KANSL1: variants seen among roughly 807,000 people sequenced by gnomAD.
KANSL1 encodes KAT8 regulatory NSL complex subunit 1.
In KANSL1, 22 loss-of-function variants were observed where a neutral mutation model predicts 103.6. The ratio of observed to expected loss-of-function variants is 0.21; its 90% CI spans 0.15 to 0.30. The LOEUF (loss-of-function observed/expected upper bound fraction) is 0.30, where lower values mean the gene tolerates loss of function less well. Among genes scored for constraint, KANSL1 ranks in the 10% least tolerant of loss-of-function variants. The pLI is 1.00. For synonymous variants in KANSL1, 600 were observed against 527.6 expected, an observed-to-expected ratio of 1.14 and a Z score of -1.88; for missense variants, 1,337 against 1,399.8, an observed-to-expected ratio of 0.96 and a Z score of 0.72.
At chr17:46,150,724 T>C (rs2045042000) in intron 2 of KANSL1, among the ~76,000 whole-genome samples, 1 of 152,080 alleles carries the variant, frequency 6.6e-6, no homozygotes, top group South Asian at 2.1e-4. Flanking sequence ...CATGGCAAAG[T>C]GGGAAAAGGA....
At chr17:46,210,839 T>C (rs2148021447) in intron 1 of KANSL1, among the ~76,000 whole-genome samples, 1 of 152,332 alleles carries the variant, frequency 6.6e-6, no homozygotes, top group Middle Eastern at 3.4e-3. Flanking sequence ...AGAGAATGCT[T>C]TGGCAAGTAT....
chr17:46,193,457 C>G (rs1381219895), upstream of KANSL1: 1 of 151,932 alleles, frequency 6.6e-6, no homozygotes, highest in South Asian at 2.0e-4. Flanking sequence ...GGGCGAGCGC[C>G]GGGGACACGG....
chr17:46,076,735 A>G (rs2078788762), intron 4 of KANSL1, among the ~76,000 whole-genome samples: 1 of 152,122 alleles, frequency 6.6e-6, no homozygotes, highest in Non-Finnish European at 1.5e-5. Flanking sequence ...TTATGGTTTC[A>G]GCAATAAAGT....
At chr17:46,207,753 G>C (rs2048020271) in intron 1 of KANSL1, among the ~76,000 whole-genome samples, 1 of 152,148 alleles carries the variant, frequency 6.6e-6, no homozygotes, top group Non-Finnish European at 1.5e-5. Context: ...CAAGGTGCGG[G>C]GACTGCTTGA....
upstream of KANSL1, chr17:46,196,198 A>G: frequency 2.5e-6 from 1 of 406,806 alleles, no homozygotes; most frequent in Non-Finnish European, 4.9e-6. Context: ...TGATCATGCC[A>G]TTGTAGTCCA....
rs140846747 is a variant in KANSL1 at position 46,084,109 on chromosome 17, C to T, written c.1432-1567G>A. ...AATGAATTGGAGGGTCCCGGAATGG[C>T]GGCTCACACCTGTAATCCCAGCACT... On this transcript the variant is annotated intron_variant, in intron 3 of 14. Coordinates refer to ENST00000432791, the MANE Select transcript of KANSL1 (RefSeq NM_015443.4). 4.6e-3 allele frequency among the ~76,000 whole-genome samples: 651 copies of T among 141,628 alleles called. 3 individuals carry two copies. Among genetic ancestry groups the T allele is most frequent in the Middle Eastern group, 0.044 (12 of 270 alleles). 92.9% of individuals were successfully genotyped at this position (141,628 alleles called of 152,430 possible). A position where few individuals can be genotyped will look rare whatever the true frequency, so the allele number is the denominator to read the frequency against.
chr17:46,064,053 T>TAA (rs58111244), intron 6 of KANSL1, among the ~76,000 whole-genome samples: 4,552 of 105,456 alleles, frequency 0.043, 94 homozygotes, highest in Non-Finnish European at 0.056. Flanking sequence ...CGACTATTAG[T>TAA]AAAAAAAAAA....
intron 6 of KANSL1, among the ~76,000 whole-genome samples, chr17:46,061,955 C>T (rs1348216299): frequency 1.3e-5 from 2 of 151,688 alleles, no homozygotes; most frequent in East Asian, 1.9e-4. Context: ...AGCCAGGCGT[C>T]GTCGTGGGTG....
chr17:46,164,258 G>A lies in KANSL1; in HGVS notation c.1289+6597C>T, dbSNP rs1474304446. 2.6e-5 allele frequency among the ~76,000 whole-genome samples: 4 copies of A among 152,292 alleles called. No homozygotes were observed. The East Asian group carries it at 5.8e-4, about 22-fold the overall frequency. Reference sequence around the variant, plus strand: ...AAAACACTATAGCAACTATATCTACGGTAAATGGGTAACACCCAAATTCCT... The same window carrying A: ...AAAACACTATAGCAACTATATCTACAGTAAATGGGTAACACCCAAATTCCT... On this transcript the variant is annotated intron_variant, in intron 2 of 14. Coordinates refer to ENST00000432791, the MANE Select transcript of KANSL1 (RefSeq NM_015443.4).
At chr17:46,125,897 TG>T (rs1224491138) in intron 2 of KANSL1, among the ~76,000 whole-genome samples, 1 of 152,226 alleles carries the variant, frequency 6.6e-6, no homozygotes, top group East Asian at 1.9e-4. Context: ...TATTGAAACC[TG>T]AAGGGCCTGG....
intron 2 of KANSL1, among the ~76,000 whole-genome samples, chr17:46,131,713 C>A (rs1386529026): frequency 2.0e-5 from 3 of 152,170 alleles, no homozygotes; most frequent in Non-Finnish European, 4.4e-5. Context: ...CAATAAAACA[C>A]ATAATAAGGG....
intron 7 of KANSL1, among the ~76,000 whole-genome samples, chr17:46,048,696 C>G (rs1035303489): frequency 1.3e-5 from 2 of 152,230 alleles, no homozygotes; most frequent in African/African-American, 4.8e-5. Flanking sequence ...TATGAAAGCG[C>G]TGGCTTCCAT....
chr17:46,034,519 T>C, intron 10 of KANSL1: 1 of 444,860 alleles, frequency 2.2e-6, no homozygotes, highest in Non-Finnish European at 4.1e-6. Flanking sequence ...GTCCCACTGG[T>C]CACCCTCTTC....
chr17:46,139,462 A>G (rs1222526616), intron 2 of KANSL1, among the ~76,000 whole-genome samples: 6 of 152,162 alleles, frequency 3.9e-5, no homozygotes, highest in African/African-American at 1.4e-4. Context: ...GATTTCCTCC[A>G]CCTGTGCCAC....
chr17:46,211,291 C>A (rs1597977588), intron 1 of KANSL1, among the ~76,000 whole-genome samples: 2 of 147,052 alleles, frequency 1.4e-5, no homozygotes, highest in South Asian at 2.1e-4. Context: ...AACTGTAAAT[C>A]AAGGGTACCC....
At chr17:46,079,334 T>C (rs1364589043) in intron 4 of KANSL1, among the ~76,000 whole-genome samples, 2 of 152,030 alleles carry the variant, frequency 1.3e-5, no homozygotes, top group African/African-American at 4.8e-5. Flanking sequence ...AAAGACTATG[T>C]ATCCTTGCAG....
intron 1 of KANSL1, among the ~76,000 whole-genome samples, chr17:46,216,839 C>A (rs556459514): frequency 6.6e-6 from 1 of 152,078 alleles, no homozygotes; most frequent in Non-Finnish European, 1.5e-5. Flanking sequence ...GGCACAGTGG[C>A]GCATTCCTGT....
At chr17:46,207,926 C>T (rs1021885120) in intron 1 of KANSL1, among the ~76,000 whole-genome samples, 16 of 152,138 alleles carry the variant, frequency 1.1e-4, no homozygotes, top group African/African-American at 3.9e-4. Context: ...GCCTGGCCAA[C>T]ATGGTGAAAC....
intron 3 of KANSL1, among the ~76,000 whole-genome samples, chr17:46,087,245 G>C (rs1299321303): frequency 6.6e-6 from 1 of 152,100 alleles, no homozygotes; most frequent in Non-Finnish European, 1.5e-5. Flanking sequence ...ACCTATTTTT[G>C]AAAATATGTG....
Sources: allele counts gnomAD v4.1 joint callset (sites outside exome capture counted in the v4.1 genomes callset), GRCh38; gene constraint gnomAD v4.1.1; transcripts MANE v1.5; gene names NCBI Gene and HGNC (gene_info 2026-07-23, HGNC 2026-07-21).